The following AR variants were observed in gnomAD, a reference collection of about 807,000 sequenced individuals.
AR encodes dihydrotestosterone receptor.
Under a neutral mutation model 53.9 loss-of-function variants are expected in AR, and 8 were observed. The observed-to-expected ratio is 0.15, with a 90% CI of 0.09 to 0.27. The LOEUF (loss-of-function observed/expected upper bound fraction) is 0.27. Ranked by LOEUF, AR falls within the 10% of genes least tolerant of loss-of-function variation. The probability of loss-of-function intolerance (pLI) is 1.00; values close to 1 mark genes in which losing one functional copy is unlikely to be tolerated. For synonymous variants in AR, 359 were observed against 316.4 expected (o/e 1.13, Z -1.43); for missense variants, 639 against 742.5 (o/e 0.86, Z 1.62).
chrX:67,563,214 G>A (rs1268326039), intron 1 of AR, among the ~76,000 whole-genome samples: 2 of 111,472 alleles, frequency 1.8e-5, no homozygotes, highest in Non-Finnish European at 3.8e-5. Flanking sequence ...AAGGGCCTTC[G>A]GGAAAGAAGC....
Position 67,545,044 on chromosome X carries a change from G to T in AR, c.-103G>T. The T allele has an allele frequency of 9.3e-7, 1 of 1,076,037 alleles. No homozygotes were observed. Among genetic ancestry groups the T allele is most frequent in the South Asian group, 2.4e-5 (1 of 41,156 alleles). The allele number at this position is 1,076,037 out of a possible 1,213,427, so 88.7% of individuals were successfully genotyped here. On this transcript the variant is annotated 5_prime_UTR_variant, in exon 1 of 8. Coordinates refer to ENST00000374690, the MANE Select transcript of AR (RefSeq NM_000044.6). ...GGAGCTTCCCGCAGGTGGGCAGCTA[G>T]CTGCAGCGACTACCGCATCATCACA... is the stretch of plus-strand genomic sequence containing the variant.
chrX:67,695,178 G>C (rs2076014234), intron 3 of AR: 1 of 756,841 alleles, frequency 1.3e-6, no homozygotes, highest in Non-Finnish European at 1.6e-6. Flanking sequence ...AGAAGCAACT[G>C]TGTCTGTCTG....
At chrX:67,720,316 C>T (rs1290363371) in intron 5 of AR, among the ~76,000 whole-genome samples, 3 of 109,584 alleles carry the variant, frequency 2.7e-5, no homozygotes, top group African/African-American at 1.0e-4. Context: ...TCCCCTTCCC[C>T]CATGAATTTC....
At chrX:67,606,098 T>C (rs760822409) in intron 1 of AR, among the ~76,000 whole-genome samples, 1 of 110,970 alleles carries the variant, frequency 9.0e-6, no homozygotes, top group Admixed American at 9.6e-5. Flanking sequence ...AGGTGCTGAA[T>C]ATGTGATTGA....
intron 3 of AR, among the ~76,000 whole-genome samples, chrX:67,711,015 G>A (rs1434843678): frequency 8.9e-6 from 1 of 112,327 alleles, no homozygotes; most frequent in Non-Finnish European, 1.9e-5. Context: ...TCACCCAGAA[G>A]CAAAGGTCTA....
chrX:67,693,507 G>A (rs755680152), intron 3 of AR, among the ~76,000 whole-genome samples: 3 of 112,127 alleles, frequency 2.7e-5, no homozygotes, highest in Non-Finnish European at 1.9e-5. Context: ...CAGATTGTGG[G>A]ATGTGTTCCT....
At position 67,545,560 on chromosome X, in the gene AR, C is replaced by T. The variant is rs776441367; in HGVS notation, c.414C>T (p.Ala138=). 5 of 1,182,446 alleles carry T rather than the reference C, an allele frequency of 4.2e-6. No individual in the cohort carries two copies. Among genetic ancestry groups the T allele is most frequent in the Non-Finnish European group, 5.7e-6 (5 of 880,877 alleles). Residue 138 remains alanine (A), a synonymous_variant, in exon 1 of 8, where the codon GCC becomes GCT. Transcript: ENST00000374690. ...ERGCVPEPGA[A]VAASKGLPQQ... ...GTTGCGTCCCAGAGCCTGGAGCCGC[C>T]GTGGCCGCCAGCAAGGGGCTGCCGC... is the stretch of plus-strand genomic sequence containing the variant.
At chrX:67,705,019 A>G (rs986134884) in intron 3 of AR, among the ~76,000 whole-genome samples, 2 of 111,859 alleles carry the variant, frequency 1.8e-5, no homozygotes, top group Non-Finnish European at 3.8e-5. Flanking sequence ...CTGTTTTGGT[A>G]CCAGTATCAT....
Position 67,557,103 on chromosome X carries a change from T to G in AR, c.1616+10341T>G, listed in dbSNP as rs191644882. 2.4e-3 allele frequency among the ~76,000 whole-genome samples: 263 copies of G among 109,332 alleles called. 1 individual carries two copies. Among genetic ancestry groups the G allele is most frequent in the African/African-American group, 7.8e-3 (233 of 29,996 alleles). The allele number at this position is 109,332 out of a possible 115,157, so 94.9% of individuals were successfully genotyped here. ...TCACTCTGATATATTATACGTTTGT[T>G]TGTTTACTTACTGTATGTGGGGGGA... is the stretch of plus-strand genomic sequence containing the variant. On this transcript the variant is annotated intron_variant, in intron 1 of 7. Coordinates refer to ENST00000374690, the MANE Select transcript of AR (RefSeq NM_000044.6).
At chrX:67,580,403 T>C (rs1922244278) in intron 1 of AR, among the ~76,000 whole-genome samples, 3 of 112,155 alleles carry the variant, frequency 2.7e-5, no homozygotes, top group South Asian at 7.4e-4. Flanking sequence ...TTCATTAAGT[T>C]GTGGTTTAAG....
intron 5 of AR, among the ~76,000 whole-genome samples, chrX:67,719,305 C>T (rs1345435598): frequency 2.7e-5 from 3 of 112,156 alleles, no homozygotes; most frequent in African/African-American, 6.5e-5. Context: ...ATCCTTAAAC[C>T]CCTGCTGCCC....
chrX:67,628,047 G>A (rs1042027741), intron 1 of AR, among the ~76,000 whole-genome samples: 3 of 111,679 alleles, frequency 2.7e-5, no homozygotes, highest in Non-Finnish European at 1.9e-5. Context: ...TAGCCTTGTA[G>A]TATAGTTAGA....
rs1370605533 is a variant in AR at position 67,552,487 on chromosome X, C to T, written c.1616+5725C>T. Among the ~76,000 whole-genome samples, 3 of 112,425 alleles carry T rather than the reference C, an allele frequency of 2.7e-5. No homozygotes were observed. In the Admixed American group the frequency reaches 2.8e-4, roughly 11 times the overall value. The stretch of plus-strand genomic sequence containing the variant: ...TGAATAATACTGCTGTGAACATTCA[C>T]GTGCAAGTTTATTGTGGACATATTC... On this transcript the variant is annotated intron_variant, in intron 1 of 7. Transcript: ENST00000374690.
intron 2 of AR, among the ~76,000 whole-genome samples, chrX:67,676,707 G>T (rs746467898): frequency 8.9e-6 from 1 of 111,889 alleles, no homozygotes; most frequent in Non-Finnish European, 1.9e-5. Context: ...TGGTAACAGG[G>T]CAGTTTCCAA....
chrX:67,718,364 C>T (rs1478220028), intron 5 of AR, among the ~76,000 whole-genome samples: 3 of 111,592 alleles, frequency 2.7e-5, no homozygotes, highest in Non-Finnish European at 5.6e-5. Context: ...CTCCATATAA[C>T]ATCATGAATT....
chrX:67,606,396 A>C (rs1194100643), intron 1 of AR, among the ~76,000 whole-genome samples: 2 of 112,375 alleles, frequency 1.8e-5, no homozygotes, highest in Non-Finnish European at 3.8e-5. Flanking sequence ...TATGCAATGT[A>C]GAATGATTAA....
intron 1 of AR, 52 bp downstream of exon 1, chrX:67,546,814 C>T: frequency 8.7e-7 from 1 of 1,147,794 alleles, no homozygotes; most frequent in Non-Finnish European, 1.2e-6. Context: ...CAGAGTCACT[C>T]TGTGTTCTGG....
intron 1 of AR, among the ~76,000 whole-genome samples, chrX:67,604,353 G>C (rs1923528447): frequency 9.1e-6 from 1 of 109,333 alleles, no homozygotes; most frequent in South Asian, 4.1e-4. Flanking sequence ...TAAAGGTGTT[G>C]ATCTGTTCCC....
intron 2 of AR, among the ~76,000 whole-genome samples, chrX:67,664,237 C>G (rs1351330629): frequency 9.0e-6 from 1 of 111,461 alleles, no homozygotes; most frequent in African/African-American, 3.3e-5. Context: ...TGTTTTTTCC[C>G]CATCTTTGTG....
Sources: gnomAD v4.1 joint callset for allele counts (sites outside exome capture counted in the v4.1 genomes callset) on GRCh38, gnomAD v4.1.1 for gene constraint, MANE v1.5 for transcripts, NCBI Gene and HGNC (gene_info 2026-07-23, HGNC 2026-07-21) for gene names.